DSCAML1: variants seen among roughly 807,000 people sequenced by gnomAD.
DSCAML1 encodes cell adhesion molecule DSCAML1.
A neutral mutation model predicts 200.5 loss-of-function variants in DSCAML1; 38 were observed. The ratio of observed to expected loss-of-function variants is 0.19; its 90% CI spans 0.15 to 0.25. The LOEUF is 0.25. DSCAML1 is among the 10% of genes least tolerant of loss of function. The pLI, the probability that DSCAML1 is intolerant of heterozygous loss-of-function variation, is 1.00. For missense variants in DSCAML1, 2,223 were observed against 2,858.8 expected, an observed-to-expected ratio of 0.78 and a Z score of 5.07; for synonymous variants, 1,215 against 1,165.0, an observed-to-expected ratio of 1.04 and a Z score of -0.87.
At chr11:117,786,357 T>A (rs1207987357) in intron 1 of DSCAML1, among the ~76,000 whole-genome samples, 1 of 152,202 alleles carries the variant, frequency 6.6e-6, no homozygotes, top group East Asian at 1.9e-4. Context: ...TAAAACAGGC[T>A]CCAAATTGCT....
intron 3 of DSCAML1, among the ~76,000 whole-genome samples, chr11:117,658,620 G>A (rs933092011): frequency 1.3e-5 from 2 of 152,182 alleles, no homozygotes; most frequent in African/African-American, 4.8e-5. Flanking sequence ...TCCATCCAAA[G>A]GCCCAAGTCA....
At chr11:117,530,237 CT>C (rs2050049978) in intron 4 of DSCAML1, among the ~76,000 whole-genome samples, 2 of 152,178 alleles carry the variant, frequency 1.3e-5, no homozygotes, top group South Asian at 4.1e-4. Context: ...AAGAATGTCT[CT>C]TTTTGAGGGA....
chr11:117,686,111 C>T (rs996783750), intron 3 of DSCAML1, among the ~76,000 whole-genome samples: 5 of 152,162 alleles, frequency 3.3e-5, no homozygotes, highest in Admixed American at 3.3e-4. Flanking sequence ...ACTACAGGAG[C>T]CCCAGCTCCT....
intron 1 of DSCAML1, among the ~76,000 whole-genome samples, chr11:117,794,182 C>T (rs2055530783): frequency 6.6e-6 from 1 of 152,142 alleles, no homozygotes; most frequent in African/African-American, 2.4e-5. Flanking sequence ...AAAATCAATG[C>T]AATCCATTAT....
chr11:117,798,333 T>G (rs994438589), upstream of DSCAML1, among the ~76,000 whole-genome samples: 1 of 152,200 alleles, frequency 6.6e-6, no homozygotes, highest in Non-Finnish European at 1.5e-5. Flanking sequence ...GAAAATTTAC[T>G]TCCTCGAAAT....
intron 3 of DSCAML1, among the ~76,000 whole-genome samples, chr11:117,557,734 A>C (rs979748812): frequency 2.0e-5 from 3 of 152,140 alleles, no homozygotes; most frequent in Admixed American, 6.5e-5. Flanking sequence ...GGAGGCAGTG[A>C]GAAGGAACAA....
In DSCAML1 at chr11:117,433,233, G is replaced by C; in HGVS notation, c.4931C>G (p.Thr1644Ser). ...GCCCTGGGGTGGCCCTTTCACAGGG[G>C]TGTCAAAGCTTCTATTGTTCTTGCT... ...LISKNNRSFD[T>S]PVKGPPQGPR... The change falls in exon 29 of 33, where the codon ACC (threonine) becomes AGC (serine). Residue 1644 changes from threonine (T) to serine (S), a missense_variant. Around this residue, in one of 7 missense-constraint regions of DSCAML1, gnomAD observed 614 missense variants for 739.1 expected, o/e 0.83. Coordinates refer to ENST00000651296, the MANE Select transcript of DSCAML1 (RefSeq NM_020693.4). The C allele has an allele frequency of 1.2e-6, 2 of 1,612,564 alleles. No homozygotes were observed. The highest frequency in any genetic ancestry group is 2.2e-5 in the South Asian group (2 of 90,906).
chr11:117,678,748 G>A (rs1565869864), intron 3 of DSCAML1, among the ~76,000 whole-genome samples: 2 of 152,238 alleles, frequency 1.3e-5, no homozygotes, highest in East Asian at 1.9e-4. Flanking sequence ...AATGGCATGC[G>A]CCAGAAGGCG....
intron 3 of DSCAML1, among the ~76,000 whole-genome samples, chr11:117,591,965 G>A (rs2051267404): frequency 6.6e-6 from 1 of 152,184 alleles, no homozygotes; most frequent in Admixed American, 6.5e-5. Flanking sequence ...TGGGAAAAGG[G>A]GGCATCTTGA....
rs147413631 is a variant in DSCAML1 at position 117,586,660 on chromosome 11, T to A, written c.512-54138A>T. ...CCCAGTAGTGAGGGGCTGGGGAAGT[T>A]CAAGGAAGGCTTGGAGAATTCATGC... On this transcript the variant is annotated intron_variant, in intron 3 of 32. Transcript: ENST00000651296. 1.5e-3 allele frequency among the ~76,000 whole-genome samples: 226 copies of A among 152,212 alleles called. 2 individuals carry two copies. The East Asian group carries it at 0.04, about 27-fold the overall frequency.
intron 3 of DSCAML1, among the ~76,000 whole-genome samples, chr11:117,536,018 T>TC (rs1234237699): frequency 7.2e-6 from 1 of 138,880 alleles, no homozygotes; most frequent in Non-Finnish European, 1.6e-5. Flanking sequence ...TTCCCCTCCC[T>TC]CCCCCCCTTC....
intron 3 of DSCAML1, among the ~76,000 whole-genome samples, chr11:117,717,631 G>A (rs80295084): frequency 0.022 from 3,392 of 152,320 alleles, 60 homozygotes; most frequent in Non-Finnish European, 0.033. Context: ...GCGCCATGCC[G>A]TGTTCTAGGC....
At chr11:117,598,359 T>G (rs1365338931) in intron 3 of DSCAML1, among the ~76,000 whole-genome samples, 2 of 152,228 alleles carry the variant, frequency 1.3e-5, no homozygotes, top group Admixed American at 1.3e-4. Context: ...CCCACTTAAC[T>G]AAAGAGCAGG....
At chr11:117,740,169 G>A (rs2054396546) in intron 3 of DSCAML1, among the ~76,000 whole-genome samples, 2 of 152,110 alleles carry the variant, frequency 1.3e-5, no homozygotes, top group South Asian at 4.2e-4. Flanking sequence ...GGAGGACCAG[G>A]GCCCTTACAT....
chr11:117,686,840 G>A lies in DSCAML1; in HGVS notation c.511+89951C>T, dbSNP rs188838651. ...CTGCCATACCATCTACAAGCCTGAT[G>A]ATGACGATGATGATGATGATGGTAA... On this transcript the variant is annotated intron_variant, in intron 3 of 32. Transcript: ENST00000651296. Among the ~76,000 whole-genome samples the A allele has an allele frequency of 3.1e-3, 473 of 152,340 alleles. 2 individuals carry two copies. The highest frequency in any genetic ancestry group is 4.4e-3 in the Non-Finnish European group (301 of 68,028).
intron 3 of DSCAML1, among the ~76,000 whole-genome samples, chr11:117,753,419 T>A (rs1288825752): frequency 4.6e-5 from 7 of 152,214 alleles, no homozygotes. Context: ...TATTCTTCAC[T>A]TGTAAAATGA....
In DSCAML1 at chr11:117,780,231, G is replaced by GAAAAAGAAAGAAAGAAA. The variant is rs1555032678; in HGVS notation, c.364+261_364+262insTTTCTTTCTTTCTTTTT. Among the ~76,000 whole-genome samples the GAAAAAGAAAGAAAGAAA allele has an allele frequency of 8.7e-4, 53 of 60,700 alleles. 2 individuals are homozygous for GAAAAAGAAAGAAAGAAA. Among genetic ancestry groups the GAAAAAGAAAGAAAGAAA allele is most frequent in the Middle Eastern group, 0.014 (2 of 138 alleles). The allele number at this position is 60,700 out of a possible 152,430, so 39.8% of individuals were successfully genotyped here. A position where few individuals can be genotyped will look rare whatever the true frequency, so the allele number is the denominator to read the frequency against. On this transcript the variant is annotated intron_variant, in intron 2 of 32. Transcript: ENST00000651296. This position sits in a 1 kb window ranked among gnomAD's most constrained non-coding sequence, Gnocchi z 4.8. ...AAAGAGAGAGAGAGAAAGAAAGAAA[G>GAAAAAGAAAGAAAGAAA]GAAAGAAAGAAAGAAAGAAAGAAAG...
chr11:117,568,375 G>T (rs529169807), intron 3 of DSCAML1, among the ~76,000 whole-genome samples: 1,851 of 152,244 alleles, frequency 0.012, 39 homozygotes, highest in African/African-American at 0.042. Flanking sequence ...TCTGGCCAGG[G>T]CAATCAGGCA....
chr11:117,544,143 G>T (rs1294494369), intron 3 of DSCAML1, among the ~76,000 whole-genome samples: 2 of 152,174 alleles, frequency 1.3e-5, no homozygotes, highest in African/African-American at 4.8e-5. Flanking sequence ...GAGCTACTTA[G>T]TCTGTCACAG....
Sources: allele counts gnomAD v4.1 joint callset (sites outside exome capture counted in the v4.1 genomes callset), GRCh38; gene constraint gnomAD v4.1.1; regional missense constraint gnomAD v4.1.1; non-coding constraint Gnocchi (gnomAD v3.1); transcripts MANE v1.5; gene names NCBI Gene and HGNC (gene_info 2026-07-23, HGNC 2026-07-21).